The following DGKZ variants were observed in gnomAD, a reference collection of about 807,000 sequenced individuals.
The protein encoded by DGKZ is diacylglycerol kinase zeta.
DGKZ carries 45 observed loss-of-function variants against 142.5 expected under a neutral mutation model. The ratio of observed to expected loss-of-function variants is 0.32; its 90% CI spans 0.25 to 0.40. The LOEUF is 0.40. Ranked by LOEUF, DGKZ falls within the 10% of genes least tolerant of loss-of-function variation. DGKZ has a pLI of 1.00. For synonymous variants in DGKZ, 442 were observed against 527.0 expected (o/e 0.84, Z 2.21); for missense variants, 755 against 1,306.5 (o/e 0.58, Z 6.51).
At chr11:46,377,299 T>C in intron 25 of DGKZ, 87 bp downstream of exon 25, 6 of 1,469,406 alleles carry the variant, frequency 4.1e-6, no homozygotes, top group Non-Finnish European at 5.4e-6. Context: ...TTCTAGCCCC[T>C]CCACCAGTTA....
intron 1 of DGKZ, among the ~76,000 whole-genome samples, chr11:46,357,847 T>TA (rs1433082157): frequency 1.3e-5 from 2 of 152,178 alleles, no homozygotes; most frequent in Non-Finnish European, 2.9e-5. Context: ...GGGAGGCCAG[T>TA]ATTCGGGGCA....
intron 1 of DGKZ, among the ~76,000 whole-genome samples, chr11:46,349,690 C>T (rs957896454): frequency 6.6e-6 from 1 of 152,168 alleles, no homozygotes; most frequent in Non-Finnish European, 1.5e-5. Context: ...TGTGAGCCAC[C>T]ACACCTGGCC....
rs1943210268 is a variant in DGKZ, at chr11:46,366,079, C to T, written c.162-1212C>T. On this transcript the variant is annotated intron_variant, in intron 1 of 30. Transcript: ENST00000527911. ...ATGGAGGTCAGAGGCTGCAGTGACC[C>T]CTCCCTCCCTCAGGGGTTGCTTCCC... 7 of 985,248 alleles carry T rather than the reference C, an allele frequency of 7.1e-6. No homozygotes were observed. In the South Asian group the frequency reaches 3.3e-4, roughly 46 times the overall value. 61.0% of individuals were successfully genotyped at this position (985,248 alleles called of 1,614,324 possible).
At chr11:46,379,170 A>C (rs371402345) in intron 28 of DGKZ, 33 bp from the exon 29 acceptor site, 1 of 1,612,528 alleles carries the variant, frequency 6.2e-7, no homozygotes, top group Non-Finnish European at 8.5e-7. Context: ...AGGGGCTGCC[A>C]GGCCTCTCTG....
chr11:46,376,730 TC>T, intron 24 of DGKZ, 166 bp downstream of exon 24: 1 of 938,506 alleles, frequency 1.1e-6, no homozygotes, highest in Non-Finnish European at 1.6e-6. Context: ...GGCCCTGCCC[TC>T]CACACTGGAG....
chr11:46,366,467 A>G, intron 1 of DGKZ: 2 of 1,563,464 alleles, frequency 1.3e-6, no homozygotes, highest in Non-Finnish European at 1.7e-6. Context: ...CCAGGGTTCC[A>G]GCCGCCGGCG....
chr11:46,336,040 C>T (rs549565008), intron 1 of DGKZ, among the ~76,000 whole-genome samples: 2 of 152,330 alleles, frequency 1.3e-5, no homozygotes, highest in East Asian at 3.9e-4. Context: ...CAGTTGAAAG[C>T]CCTTTCCAGA....
rs2136528963 is a variant in DGKZ at position 46,380,035 on chromosome 11, G to A, written c.*88G>A. On this transcript the variant is annotated 3_prime_UTR_variant, in exon 31 of 31. Transcript: ENST00000527911. ...CCTCACTGCCACATTCCAGTGGGAC[G>A]GCCACGGGGGGACCTAGGCCCCAGG... The A allele has an allele frequency of 3.1e-6, 4 of 1,277,808 alleles. No individual in the cohort carries two copies. In the South Asian group the frequency reaches 4.3e-5, roughly 14 times the overall value. 79.2% of individuals were successfully genotyped at this position (1,277,808 alleles called of 1,614,324 possible). A position where few individuals can be genotyped will look rare whatever the true frequency, so the allele number is the denominator to read the frequency against.
intron 29 of DGKZ, 111 bp downstream of exon 29, chr11:46,379,347 C>A: frequency 2.5e-6 from 4 of 1,573,300 alleles, no homozygotes; most frequent in Middle Eastern, 3.4e-4. Flanking sequence ...CATCTGTCAT[C>A]CCCTGGGCCA....
intron 1 of DGKZ, chr11:46,366,750 AC>A: frequency 6.4e-7 from 1 of 1,551,140 alleles, no homozygotes. Flanking sequence ...GCCTCCTCCC[AC>A]CTGCTCCCCG....
At chr11:46,378,143 G>A (rs1944770154) in intron 25 of DGKZ, 55 bp from the exon 26 acceptor site, 4 of 1,580,488 alleles carry the variant, frequency 2.5e-6, no homozygotes, top group Non-Finnish European at 2.6e-6. Flanking sequence ...GGTTGGGGAG[G>A]GCGACCAGCT....
chr11:46,356,200 G>A (rs1942007550), intron 1 of DGKZ, among the ~76,000 whole-genome samples: 1 of 152,164 alleles, frequency 6.6e-6, no homozygotes, highest in South Asian at 2.1e-4. Context: ...GGCCCCTTTG[G>A]GAGGCTAAGG....
exon 31 of DGKZ, chr11:46,380,259 A>G: frequency 4.1e-6 from 1 of 242,962 alleles, no homozygotes; most frequent in Non-Finnish European, 8.0e-6. Flanking sequence ...CCCTCCCAGG[A>G]GTGGAGGGGC....
intron 1 of DGKZ, among the ~76,000 whole-genome samples, chr11:46,338,160 C>T (rs1273773437): frequency 2.0e-5 from 3 of 152,152 alleles, no homozygotes; most frequent in Non-Finnish European, 4.4e-5. Context: ...ATTTCAGCAA[C>T]GCAATACCAT....
chr11:46,358,902 G>A (rs1340053223), intron 1 of DGKZ, among the ~76,000 whole-genome samples: 1 of 152,148 alleles, frequency 6.6e-6, no homozygotes, highest in Non-Finnish European at 1.5e-5. Flanking sequence ...CAGCACTTTG[G>A]GAGGCTGAGG....
At position 46,367,191 on chromosome 11, in the gene DGKZ, C is replaced by T. The variant is rs1046748367; in HGVS notation, c.162-100C>T. 8.4e-6 allele frequency: 11 copies of T among 1,315,044 alleles called. No homozygotes were observed. In the Middle Eastern group the frequency reaches 1.0e-3, roughly 121 times the overall value. 81.5% of individuals were successfully genotyped at this position (1,315,044 alleles called of 1,614,324 possible). A position where few individuals can be genotyped will look rare whatever the true frequency, so the allele number is the denominator to read the frequency against. On this transcript the variant is annotated intron_variant, in intron 1 of 30. Transcript: ENST00000527911. The surrounding 1 kb of genome is among the most constrained non-coding windows in gnomAD (Gnocchi z 4.1). ...CTGCTGGGAGGCTCCTCCGCCCTCCCTGTTGCCGAGGTCACGGAAAGGGCA... is the reference window on the plus strand; with the variant it reads ...CTGCTGGGAGGCTCCTCCGCCCTCCTTGTTGCCGAGGTCACGGAAAGGGCA...
At chr11:46,365,778 C>G in intron 1 of DGKZ, 4 of 985,454 alleles carry the variant, frequency 4.1e-6, no homozygotes, top group Non-Finnish European at 4.8e-6. Context: ...AAAGGCCCAG[C>G]AAGTGGGAAG....
chr11:46,366,111 T>G, intron 1 of DGKZ: 1 of 1,387,434 alleles, frequency 7.2e-7, no homozygotes, highest in Non-Finnish European at 9.3e-7. Context: ...TCCCTTCTCA[T>G]GGGGCAGAGG....
intron 1 of DGKZ, among the ~76,000 whole-genome samples, chr11:46,355,823 C>T (rs868525440): frequency 3.3e-5 from 5 of 152,034 alleles, no homozygotes; most frequent in Admixed American, 3.3e-4. Context: ...CTCGGCTCAC[C>T]GCAACCCCTG....
Sources: allele counts gnomAD v4.1 joint callset (sites outside exome capture counted in the v4.1 genomes callset), GRCh38; gene constraint gnomAD v4.1.1; non-coding constraint Gnocchi (gnomAD v3.1); transcripts MANE v1.5; gene names NCBI Gene and HGNC (gene_info 2026-07-23, HGNC 2026-07-21).